The following RABGAP1L variants were observed in gnomAD, a reference collection of about 807,000 sequenced individuals.
RABGAP1L encodes rab GTPase-activating protein 1-like.
A neutral mutation model predicts 137.7 loss-of-function variants in RABGAP1L; 63 were observed. That is an observed-to-expected ratio of 0.46 (90% confidence interval 0.37 to 0.56). The LOEUF is 0.56. Among genes scored for constraint, RABGAP1L ranks in the 20% least tolerant of loss-of-function variants. RABGAP1L has a pLI of 0.00. For missense variants in RABGAP1L, 1,095 were observed against 1,244.0 expected (o/e 0.88, Z 1.80); for synonymous variants, 431 against 433.7 (o/e 0.99, Z 0.08).
At chr1:174,483,061 A>C (rs569482270) in intron 13 of RABGAP1L, among the ~76,000 whole-genome samples, 2 of 152,338 alleles carry the variant, frequency 1.3e-5, no homozygotes, top group East Asian at 3.9e-4. Context: ...ATATGCATGC[A>C]ATATGTAATA....
At chr1:174,590,080 T>C (rs1229070980) in intron 13 of RABGAP1L, among the ~76,000 whole-genome samples, 2 of 150,222 alleles carry the variant, frequency 1.3e-5, no homozygotes, top group Non-Finnish European at 3.0e-5. Context: ...TTCTAATCCA[T>C]GAACATGGAA....
chr1:174,208,963 C>T (rs1668683913), intron 1 of RABGAP1L, among the ~76,000 whole-genome samples: 1 of 152,142 alleles, frequency 6.6e-6, no homozygotes, highest in Non-Finnish European at 1.5e-5. Context: ...ACCTTTTTGG[C>T]ACAGGGGACC....
intron 19 of RABGAP1L, among the ~76,000 whole-genome samples, chr1:174,876,474 A>G (rs189233144): frequency 6.6e-6 from 1 of 152,234 alleles, no homozygotes; most frequent in East Asian, 1.9e-4. Context: ...TTTCCATGAA[A>G]TTAGTATACA....
chr1:174,532,475 G>T (rs1487726175), intron 13 of RABGAP1L, among the ~76,000 whole-genome samples: 1 of 152,058 alleles, frequency 6.6e-6, no homozygotes, highest in African/African-American at 2.4e-5. Context: ...CCAAAGTGCT[G>T]GGATTACAGG....
rs370108139 is a variant in RABGAP1L at position 174,683,610 on chromosome 1, C to T, written c.1899+14C>T. 220 of 1,586,676 alleles carry T rather than the reference C, an allele frequency of 1.4e-4. 2 individuals are homozygous for T. Among genetic ancestry groups the T allele is most frequent in the East Asian group, 1.3e-3 (60 of 44,654 alleles). ...TTACTGCTGCATGTAAGTAATGGTC[C>T]GTGTGATAAATAGCACAGTGCTGCC... is the stretch of plus-strand genomic sequence containing the variant. On this transcript the variant is annotated intron_variant, in intron 15 of 25. Coordinates refer to ENST00000681986, the MANE Select transcript of RABGAP1L (RefSeq NM_001366446.1).
intron 15 of RABGAP1L, among the ~76,000 whole-genome samples, chr1:174,687,696 T>C (rs760063737): frequency 6.6e-6 from 1 of 152,248 alleles, no homozygotes; most frequent in Non-Finnish European, 1.5e-5. Context: ...TAATTTGTTA[T>C]CAGTTACATA....
intron 19 of RABGAP1L, among the ~76,000 whole-genome samples, chr1:174,917,652 G>T (rs1661082816): frequency 6.6e-6 from 1 of 152,128 alleles, no homozygotes; most frequent in Admixed American, 6.6e-5. Flanking sequence ...ATGTATTGAG[G>T]CTGGGCGTGG....
chr1:174,164,661 C>T (rs974587100), intron 1 of RABGAP1L, among the ~76,000 whole-genome samples: 1 of 152,308 alleles, frequency 6.6e-6, no homozygotes, highest in African/African-American at 2.4e-5. Flanking sequence ...TAGGGCTTCC[C>T]TCCTCATAGG....
At chr1:174,196,045 C>T (rs1203564132) in intron 1 of RABGAP1L, among the ~76,000 whole-genome samples, 2 of 151,324 alleles carry the variant, frequency 1.3e-5, no homozygotes, top group Non-Finnish European at 2.9e-5. Flanking sequence ...CCGTTTTAGC[C>T]AGGATGGTCT....
chr1:174,611,542 C>CT (rs1430937378), intron 13 of RABGAP1L, among the ~76,000 whole-genome samples: 5 of 148,884 alleles, frequency 3.4e-5, no homozygotes, highest in African/African-American at 1.0e-4. Flanking sequence ...GATGCGGGCT[C>CT]TTTTTTGGTT....
chr1:174,903,406 A>G (rs1370336220), intron 19 of RABGAP1L, among the ~76,000 whole-genome samples: 1 of 152,236 alleles, frequency 6.6e-6, no homozygotes, highest in African/African-American at 2.4e-5. Context: ...AACTTCTTTT[A>G]ATACAGATAA....
rs975381934 is a variant in RABGAP1L, at chr1:174,772,103, G to C, written c.2211+19749G>C. Among the ~76,000 whole-genome samples, 3 of 152,148 alleles carry C rather than the reference G, an allele frequency of 2.0e-5. No homozygotes were observed. The East Asian group carries it at 5.8e-4, about 29-fold the overall frequency. ...AATCCCAGCTACTCGAGAGGCTGAG[G>C]CAAAGAATTGCTTGAAGCCGGGAGG... On this transcript the variant is annotated intron_variant, in intron 18 of 25. Coordinates refer to ENST00000681986, the MANE Select transcript of RABGAP1L (RefSeq NM_001366446.1).
At chr1:174,697,599 G>C (rs879353747) in intron 15 of RABGAP1L, among the ~76,000 whole-genome samples, 1 of 152,150 alleles carries the variant, frequency 6.6e-6, no homozygotes, top group African/African-American at 2.4e-5. Flanking sequence ...GATTACAGGC[G>C]TGAGCCACCG....
intron 11 of RABGAP1L, among the ~76,000 whole-genome samples, chr1:174,365,722 G>T (rs1248058894): frequency 6.6e-6 from 1 of 152,216 alleles, no homozygotes; most frequent in Non-Finnish European, 1.5e-5. Flanking sequence ...TGTGGGTGGG[G>T]TGGTATCAGC....
intron 18 of RABGAP1L, among the ~76,000 whole-genome samples, chr1:174,794,154 C>T (rs1373245272): frequency 6.6e-6 from 1 of 152,102 alleles, no homozygotes; most frequent in Non-Finnish European, 1.5e-5. Flanking sequence ...TAAAAATTGT[C>T]AATCAGGCAA....
At chr1:174,244,880 A>G (rs1392487031) in intron 5 of RABGAP1L, 1 of 152,272 alleles carries the variant, frequency 6.6e-6, no homozygotes, top group African/African-American at 2.4e-5. Context: ...GTGTTTTAGG[A>G]TACTATTCAG....
chr1:174,554,846 A>G (rs1261235273), intron 13 of RABGAP1L, among the ~76,000 whole-genome samples: 1 of 152,188 alleles, frequency 6.6e-6, no homozygotes, highest in East Asian at 1.9e-4. Flanking sequence ...AGCAGAAAGC[A>G]TGTTTACTTT....
chr1:174,257,446 T>C (rs1278153229), intron 7 of RABGAP1L, among the ~76,000 whole-genome samples: 2 of 152,214 alleles, frequency 1.3e-5, no homozygotes, highest in African/African-American at 4.8e-5. Flanking sequence ...ATTATATATA[T>C]GTTCTTTGCT....
intron 1 of RABGAP1L, among the ~76,000 whole-genome samples, chr1:174,180,550 G>C (rs1267691453): frequency 6.6e-6 from 1 of 152,148 alleles, no homozygotes. Flanking sequence ...CTGCAGCCTT[G>C]AACTCCTGGG....
Sources: gnomAD v4.1 joint callset for allele counts (sites outside exome capture counted in the v4.1 genomes callset) on GRCh38, gnomAD v4.1.1 for gene constraint, MANE v1.5 for transcripts, NCBI Gene and HGNC (gene_info 2026-07-23, HGNC 2026-07-21) for gene names.